GORASP2: variants seen among roughly 807,000 people sequenced by gnomAD.
GORASP2 encodes the protein Golgi reassembly-stacking protein 2.
In GORASP2, 22 loss-of-function variants were observed where a neutral mutation model predicts 45.7. The observed-to-expected ratio is 0.48, with a 90% CI of 0.34 to 0.69. The LOEUF is 0.69. Ranked by LOEUF, GORASP2 falls within the 30% of genes least tolerant of loss-of-function variation. GORASP2 has a pLI of 0.01. For missense variants in GORASP2, 491 were observed against 562.7 expected (o/e 0.87, Z 1.29); for synonymous variants, 221 against 215.6 (o/e 1.02, Z -0.22).
chr2:170,965,784 T>C lies in GORASP2; in HGVS notation c.1019-6T>C. 1 of 1,606,808 alleles carries C rather than the reference T, an allele frequency of 6.2e-7. No homozygotes were observed. The highest frequency in any genetic ancestry group is 1.1e-5 in the South Asian group (1 of 90,956). Reference sequence around the variant, plus strand: ...GGATGTATGATCTATGCCGTTTTTGTCCTAGGTCTGCCACCTCTTCCTTCC... The same window carrying C: ...GGATGTATGATCTATGCCGTTTTTGCCCTAGGTCTGCCACCTCTTCCTTCC... On this transcript the variant is annotated splice_region_variant and splice_polypyrimidine_tract_variant and intron_variant, in intron 9 of 9. Coordinates refer to ENST00000234160, the MANE Select transcript of GORASP2 (RefSeq NM_015530.5).
intron 1 of GORASP2, among the ~76,000 whole-genome samples, chr2:170,935,718 G>GCA (rs1417563187): frequency 2.0e-5 from 3 of 151,756 alleles, no homozygotes; most frequent in Non-Finnish European, 4.4e-5. Context: ...GGGACTACAG[G>GCA]CACACACCAC....
intron 1 of GORASP2, among the ~76,000 whole-genome samples, chr2:170,938,747 C>G (rs1704010751): frequency 6.6e-6 from 1 of 152,168 alleles, no homozygotes; most frequent in Non-Finnish European, 1.5e-5. Context: ...AATCCCAGTA[C>G]TTTGGGAGGC....
chr2:170,954,580 C>G (rs1051640039), intron 5 of GORASP2, 70 bp from the exon 6 acceptor site: 50 of 1,373,738 alleles, frequency 3.6e-5, no homozygotes, highest in African/African-American at 1.9e-4. Flanking sequence ...CCCGCCCCCC[C>G]CAAAAAAAAC....
chr2:170,954,702 T>G lies in GORASP2; in HGVS notation c.619T>G (p.Phe207Val). The change falls in exon 6 of 10, where the codon TTT (phenylalanine) becomes GTT (valine). Residue 207 changes from phenylalanine to valine, a missense_variant. By Grantham distance (50) the Phe-to-Val change is conservative (BLOSUM62 -1). Transcript: ENST00000234160. The part of the protein sequence containing the change: ...GYLHRIPTRP[F>V]EEGKKISLPG... ...TTTGCATCGAATACCTACACGCCCA[T>G]TTGAGGAAGGAAAGAAAATTTCTCT... The G allele has an allele frequency of 6.2e-7, 1 of 1,613,432 alleles. No homozygotes were observed. Among genetic ancestry groups the G allele is most frequent in the Non-Finnish European group, 8.5e-7 (1 of 1,179,380 alleles).
intron 1 of GORASP2, among the ~76,000 whole-genome samples, chr2:170,944,449 C>T (rs1704141854): frequency 6.6e-6 from 1 of 151,992 alleles, no homozygotes; most frequent in Non-Finnish European, 1.5e-5. Flanking sequence ...CCATTAGAAA[C>T]AGAGAGGAAA....
chr2:170,937,557 T>TCCC (rs1703985009), intron 1 of GORASP2, among the ~76,000 whole-genome samples: 1 of 152,082 alleles, frequency 6.6e-6, no homozygotes, highest in South Asian at 2.1e-4. Context: ...TAGTCCCAGG[T>TCCC]ACTCAGGAGG....
At chr2:170,940,738 C>T (rs1478414124) in intron 1 of GORASP2, among the ~76,000 whole-genome samples, 1 of 151,236 alleles carries the variant, frequency 6.6e-6, no homozygotes, top group East Asian at 1.9e-4. Context: ...TAGCTCAAGC[C>T]AAAAAATGTA....
In GORASP2 at chr2:170,965,994, CCTCA is replaced by C. The variant is rs1704679503; in HGVS notation, c.1230_1233del (p.Thr411TrpfsTer3). 1 of 1,614,012 alleles carries C rather than the reference CCTCA, an allele frequency of 6.2e-7. No homozygotes were observed. Among genetic ancestry groups the C allele is most frequent in the Non-Finnish European group, 8.5e-7 (1 of 1,179,914 alleles). ...ACTACTGCAAAGGCAGACGCTGCCT[CCTCA>C]CTCACTGTGGATGTGACGCCCCCCA... On this transcript the variant is annotated frameshift_variant, in exon 10 of 10. Coordinates refer to ENST00000234160, the MANE Select transcript of GORASP2 (RefSeq NM_015530.5). LOFTEE classifies it high-confidence loss of function.
intron 5 of GORASP2, among the ~76,000 whole-genome samples, chr2:170,952,743 A>C (rs537604366): frequency 1.3e-5 from 2 of 152,282 alleles, no homozygotes; most frequent in African/African-American, 4.8e-5. Flanking sequence ...GAGCACAATC[A>C]TAGTTCACTG....
Position 170,956,417 on chromosome 2 carries a change from T to G in GORASP2, c.700-19T>G. On this transcript the variant is annotated intron_variant, in intron 6 of 9. Coordinates refer to ENST00000234160, the MANE Select transcript of GORASP2 (RefSeq NM_015530.5). ...ATAAACTTAAGTAATCTTTGTGTTTTTTTTTCTTTTTTTGGAAGGTCCAGC... is the reference window on the plus strand; with the variant it reads ...ATAAACTTAAGTAATCTTTGTGTTTGTTTTTCTTTTTTTGGAAGGTCCAGC... 1 of 1,576,576 alleles carries G rather than the reference T, an allele frequency of 6.3e-7. No homozygotes were observed.
Position 170,966,401 on chromosome 2 carries a change from C to T in GORASP2, c.*271C>T, listed in dbSNP as rs192079738. 8.8e-5 allele frequency: 44 copies of T among 501,310 alleles called. No homozygotes were observed. The highest frequency in any genetic ancestry group is 7.9e-4 in the African/African-American group (41 of 51,582). The allele number at this position is 501,310 out of a possible 1,614,324, so 31.1% of individuals were successfully genotyped here. A position where few individuals can be genotyped will look rare whatever the true frequency, so the allele number is the denominator to read the frequency against. On this transcript the variant is annotated 3_prime_UTR_variant, in exon 10 of 10. Coordinates refer to ENST00000234160, the MANE Select transcript of GORASP2 (RefSeq NM_015530.5). Reference sequence around the variant, plus strand: ...TTGCTGCCAGGCTTGCACTGCCGTTCCTGGGGGTGTGCATCTTCGGGAAAG... The same window carrying T: ...TTGCTGCCAGGCTTGCACTGCCGTTTCTGGGGGTGTGCATCTTCGGGAAAG...
intron 9 of GORASP2, among the ~76,000 whole-genome samples, chr2:170,964,996 G>A (rs1704652932): frequency 6.8e-6 from 1 of 146,014 alleles, no homozygotes; most frequent in South Asian, 2.2e-4. Flanking sequence ...CTGCGTCCTG[G>A]GTTCAAGCAG....
intron 4 of GORASP2, among the ~76,000 whole-genome samples, chr2:170,951,057 G>A (rs1303261996): frequency 4.6e-5 from 7 of 152,176 alleles, no homozygotes. Context: ...GGAAGTAAAA[G>A]CAGAATATGT....
intron 1 of GORASP2, among the ~76,000 whole-genome samples, chr2:170,931,128 G>C (rs751284471): frequency 6.6e-6 from 1 of 152,218 alleles, no homozygotes; most frequent in Admixed American, 6.5e-5. Flanking sequence ...CAGTAGTGCA[G>C]ATGTGTTATT....
At chr2:170,939,933 T>C (rs182858496) in intron 1 of GORASP2, among the ~76,000 whole-genome samples, 5 of 152,332 alleles carry the variant, frequency 3.3e-5, no homozygotes, top group Admixed American at 3.3e-4. Context: ...TAGGTATTGC[T>C]TGGATTGAAT....
At chr2:170,932,233 A>T (rs746684165) in intron 1 of GORASP2, among the ~76,000 whole-genome samples, 3 of 152,206 alleles carry the variant, frequency 2.0e-5, no homozygotes, top group Non-Finnish European at 2.9e-5. Context: ...TTTTCAAAAA[A>T]AAAAGAGTCT....
rs1462793511 is a variant in GORASP2, at chr2:170,962,960, C to G, written c.1018+14C>G. On this transcript the variant is annotated intron_variant, in intron 9 of 9. Coordinates refer to ENST00000234160, the MANE Select transcript of GORASP2 (RefSeq NM_015530.5). ...TTGTAAACCCAGGTATGTTGCAGAT[C>G]TCACCCTCCTAGGACTCTCTCTAAT... is the stretch of plus-strand genomic sequence containing the variant. 2.0e-6 allele frequency: 3 copies of G among 1,527,524 alleles called. No individual in the cohort carries two copies. Among genetic ancestry groups the G allele is most frequent in the Middle Eastern group, 1.7e-4 (1 of 5,898 alleles). 94.6% of individuals were successfully genotyped at this position (1,527,524 alleles called of 1,614,324 possible).
intron 1 of GORASP2, among the ~76,000 whole-genome samples, chr2:170,946,004 G>C (rs1704174806): frequency 6.6e-6 from 1 of 152,046 alleles, no homozygotes; most frequent in Non-Finnish European, 1.5e-5. Flanking sequence ...TTGTGGAATA[G>C]ATTTTTTTTT....
chr2:170,947,908 C>T (rs1704213994), intron 1 of GORASP2, among the ~76,000 whole-genome samples: 1 of 152,062 alleles, frequency 6.6e-6, no homozygotes. Flanking sequence ...ATCCCTTGAG[C>T]CCAGGAGTTC....
Sources: allele counts gnomAD v4.1 joint callset (sites outside exome capture counted in the v4.1 genomes callset), GRCh38; gene constraint gnomAD v4.1.1; transcripts MANE v1.5; gene names NCBI Gene and HGNC (gene_info 2026-07-23, HGNC 2026-07-21).